The following XRCC4 variants were observed in gnomAD, a reference collection of about 807,000 sequenced individuals.
XRCC4 encodes the protein DNA repair protein XRCC4.
A neutral mutation model predicts 39.1 loss-of-function variants in XRCC4; 28 were observed. The observed-to-expected ratio is 0.72, with a 90% CI of 0.53 to 0.98. The LOEUF is 0.98. Ranked by LOEUF, XRCC4 falls within the 50% of genes least tolerant of loss-of-function variation. The probability of loss-of-function intolerance (pLI) is 0.00; values close to 1 mark genes in which losing one functional copy is unlikely to be tolerated. For missense variants in XRCC4, 350 were observed against 376.4 expected, an observed-to-expected ratio of 0.93 and a Z score of 0.58; for synonymous variants, 123 against 126.4, an observed-to-expected ratio of 0.97 and a Z score of 0.18.
chr5:83,148,515 CTGAGATTACTTCCAT>C (rs1748561446), intron 3 of XRCC4, among the ~76,000 whole-genome samples: 1 of 152,104 alleles, frequency 6.6e-6, no homozygotes, highest in African/African-American at 2.4e-5. Context: ...TTTGAGTACT[CTGAGATTACTTCCAT>C]TGCTCACTAG....
intron 4 of XRCC4, among the ~76,000 whole-genome samples, chr5:83,196,983 T>C (rs1750979017): frequency 6.6e-6 from 1 of 151,756 alleles, no homozygotes; most frequent in Non-Finnish European, 1.5e-5. Context: ...TTCAATTATA[T>C]TTATTAACTA....
chr5:83,240,432 TAGAG>T (rs757449252), intron 6 of XRCC4, among the ~76,000 whole-genome samples: 22 of 152,030 alleles, frequency 1.4e-4, no homozygotes, highest in South Asian at 2.1e-4. Context: ...TCCTCAGAAA[TAGAG>T]AGAGGGGAGA....
intron 3 of XRCC4, among the ~76,000 whole-genome samples, chr5:83,182,585 A>G (rs568139939): frequency 2.4e-4 from 36 of 152,292 alleles, no homozygotes; most frequent in African/African-American, 8.2e-4. Flanking sequence ...CTGAATTCCA[A>G]TATTTTTTGA....
chr5:83,202,922 G>A (rs934607093), intron 4 of XRCC4, among the ~76,000 whole-genome samples: 1 of 152,004 alleles, frequency 6.6e-6, no homozygotes, highest in Non-Finnish European at 1.5e-5. Flanking sequence ...TTTGTCTTAC[G>A]TATCTAAATT....
chr5:83,273,956 A>G (rs938510921), intron 7 of XRCC4, among the ~76,000 whole-genome samples: 22 of 151,642 alleles, frequency 1.5e-4, no homozygotes, highest in Non-Finnish European at 2.9e-4. Flanking sequence ...AGTTATCACT[A>G]CTTTTCTAGT....
rs986837768 is a variant in XRCC4, at chr5:83,320,296, A to G, written c.894-32835A>G. 4.0e-5 allele frequency among the ~76,000 whole-genome samples: 6 copies of G among 149,998 alleles called. No homozygotes were observed. The South Asian group carries it at 1.3e-3, about 32-fold the overall frequency. On this transcript the variant is annotated intron_variant, in intron 7 of 7. Transcript: ENST00000396027. ...TGGGTGCAGCGCACCAGCATGGCAC[A>G]TGTATACATATGTAACTAACCTGCA...
At chr5:83,286,764 CA>C (rs1754748080) in intron 7 of XRCC4, among the ~76,000 whole-genome samples, 1 of 152,024 alleles carries the variant, frequency 6.6e-6, no homozygotes, top group African/African-American at 2.4e-5. Flanking sequence ...AACTAACCAT[CA>C]CAAGCTAGGA....
At chr5:83,240,847 A>G (rs1445976762) in intron 6 of XRCC4, among the ~76,000 whole-genome samples, 2 of 152,236 alleles carry the variant, frequency 1.3e-5, no homozygotes, top group East Asian at 3.8e-4. Flanking sequence ...AGGTAACCCA[A>G]GTATTTTCAC....
chr5:83,336,180 A>G (rs1374055447), intron 7 of XRCC4, among the ~76,000 whole-genome samples: 8 of 152,130 alleles, frequency 5.3e-5, no homozygotes, highest in African/African-American at 1.9e-4. Context: ...TATCATCTGT[A>G]GAAGCCCAAT....
At chr5:83,229,651 T>C (rs1752421905) in intron 6 of XRCC4, among the ~76,000 whole-genome samples, 2 of 149,396 alleles carry the variant, frequency 1.3e-5, no homozygotes, top group Non-Finnish European at 3.0e-5. Flanking sequence ...GGAGACAAAA[T>C]GTTTAAACTT....
chr5:83,237,185 G>A (rs115866389), intron 6 of XRCC4, among the ~76,000 whole-genome samples: 2,419 of 151,766 alleles, frequency 0.016, 60 homozygotes, highest in African/African-American at 0.054. Context: ...GAACTACCTT[G>A]GAATCCAGCA....
intron 7 of XRCC4, among the ~76,000 whole-genome samples, chr5:83,302,151 C>T (rs185131588): frequency 1.2e-4 from 18 of 151,954 alleles, no homozygotes; most frequent in Admixed American, 2.0e-4. Context: ...GGGTTCCGTG[C>T]GGGTGGGATC....
chr5:83,340,790 G>C (rs1400821319), intron 7 of XRCC4, among the ~76,000 whole-genome samples: 1 of 152,124 alleles, frequency 6.6e-6, no homozygotes, highest in Non-Finnish European at 1.5e-5. Flanking sequence ...ATGGTAATTT[G>C]TTGCATCAGC....
At chr5:83,311,828 T>A (rs555094023) in intron 7 of XRCC4, among the ~76,000 whole-genome samples, 1 of 152,080 alleles carries the variant, frequency 6.6e-6, no homozygotes, top group African/African-American at 2.4e-5. Context: ...TTCTTCTTTA[T>A]AATAAAGGCT....
rs10039566 is a variant in XRCC4 at position 83,225,175 on chromosome 5, T to C, written c.745+20254T>C. Among the ~76,000 whole-genome samples, 999 of 152,244 alleles carry C rather than the reference T, an allele frequency of 6.6e-3. 11 individuals are homozygous for C. Among genetic ancestry groups the C allele is most frequent in the African/African-American group, 0.023 (955 of 41,560 alleles). The stretch of plus-strand genomic sequence containing the variant: ...ATCTTTGTGTTTGTCCAAACTGTTA[T>C]CGCTGTTTTTGGTGAGCCCCTGAAG... On this transcript the variant is annotated intron_variant, in intron 6 of 7. Coordinates refer to ENST00000396027, the MANE Select transcript of XRCC4 (RefSeq NM_003401.5).
chr5:83,132,685 C>G (rs949772975), intron 3 of XRCC4, among the ~76,000 whole-genome samples: 5 of 152,070 alleles, frequency 3.3e-5, no homozygotes, highest in African/African-American at 1.2e-4. Context: ...GCCACTGAAG[C>G]CTGTGCATGC....
chr5:83,252,819 A>G lies in XRCC4; in HGVS notation c.746-5711A>G, dbSNP rs149673171. ...GAGGTTTATAAGTAAGTTTTTGATT[A>G]AAAAATAAGATACACATTTGAAAAT... On this transcript the variant is annotated intron_variant, in intron 6 of 7. Transcript: ENST00000396027. 1.1e-3 allele frequency among the ~76,000 whole-genome samples: 168 copies of G among 152,304 alleles called. 2 individuals are homozygous for G. In the East Asian group the frequency reaches 0.029, roughly 26 times the overall value.
intron 3 of XRCC4, among the ~76,000 whole-genome samples, chr5:83,125,265 G>A (rs1334687506): frequency 6.6e-6 from 1 of 152,036 alleles, no homozygotes; most frequent in Non-Finnish European, 1.5e-5. Flanking sequence ...CTTATGTAGA[G>A]CAAAAGCTTT....
At chr5:83,267,750 T>C (rs1754007191) in intron 7 of XRCC4, among the ~76,000 whole-genome samples, 1 of 152,040 alleles carries the variant, frequency 6.6e-6, no homozygotes, top group Non-Finnish European at 1.5e-5. Context: ...TGGTTTGTTT[T>C]TGTTTTGTTC....
Sources: allele counts gnomAD v4.1 joint callset (sites outside exome capture counted in the v4.1 genomes callset), GRCh38; gene constraint gnomAD v4.1.1; transcripts MANE v1.5; gene names NCBI Gene and HGNC (gene_info 2026-07-23, HGNC 2026-07-21).